Variants in MAD1L1 observed in about 807,000 individuals in gnomAD.
MAD1L1 encodes the protein mitotic spindle assembly checkpoint protein MAD1.
Under a neutral mutation model 96.9 loss-of-function variants are expected in MAD1L1, and 95 were observed. The observed-to-expected ratio is 0.98, with a 90% CI of 0.83 to 1.16. The LOEUF is 1.16. Among genes scored for constraint, MAD1L1 ranks in the 50% most tolerant of loss-of-function variants. The probability of loss-of-function intolerance (pLI) is 0.00; values close to 1 mark genes in which losing one functional copy is unlikely to be tolerated. For missense variants in MAD1L1, 1,007 were observed against 954.4 expected (o/e 1.06, Z -0.73); for synonymous variants, 473 against 396.6 (o/e 1.19, Z -2.29).
At chr7:2,047,937 C>T (rs1374374772) in intron 12 of MAD1L1, among the ~76,000 whole-genome samples, 1 of 152,212 alleles carries the variant, frequency 6.6e-6, no homozygotes, top group Non-Finnish European at 1.5e-5. Flanking sequence ...GATGTGCATG[C>T]ACAGCTCACA....
intron 18 of MAD1L1, among the ~76,000 whole-genome samples, chr7:1,897,857 A>G (rs972340156): frequency 3.9e-5 from 6 of 152,142 alleles, no homozygotes; most frequent in Non-Finnish European, 7.4e-5. Context: ...AGTCCTCCCC[A>G]GGCACCACTG....
At chr7:1,932,624 A>G (rs1789546661) in intron 17 of MAD1L1, among the ~76,000 whole-genome samples, 1 of 152,218 alleles carries the variant, frequency 6.6e-6, no homozygotes, top group Non-Finnish European at 1.5e-5. Context: ...TCTTCTCTGA[A>G]GTTCTCAGGG....
At chr7:1,936,972 A>G in intron 16 of MAD1L1, 75 bp from the exon 17 acceptor site, 1 of 1,215,700 alleles carries the variant, frequency 8.2e-7, no homozygotes, top group Non-Finnish European at 1.2e-6. Context: ...AGCATGGGTC[A>G]CCATGGCCCA....
intron 11 of MAD1L1, among the ~76,000 whole-genome samples, chr7:2,084,195 G>T (rs189197301): frequency 5.9e-4 from 90 of 152,368 alleles, no homozygotes; most frequent in African/African-American, 1.9e-3. Flanking sequence ...GAAACACAAT[G>T]GAAGTTTCTG....
chr7:1,869,831 G>A (rs976740374), intron 18 of MAD1L1, among the ~76,000 whole-genome samples: 2 of 152,198 alleles, frequency 1.3e-5, no homozygotes, highest in African/African-American at 2.4e-5. Context: ...CTGGGCTCCC[G>A]CAAGTGCCTC....
rs367782915 is a variant in MAD1L1, at chr7:2,221,055, C to A, written c.471+1520G>T. 7 of 1,603,250 alleles carry A rather than the reference C, an allele frequency of 4.4e-6. No homozygotes were observed. The South Asian group carries it at 4.4e-5, about 10-fold the overall frequency. The stretch of plus-strand genomic sequence containing the variant: ...AGGAGAAGGCAGTCAAGGCCTAGTG[C>A]GCAGGGAGGGCTTCCCTGAGGAGCG... On this transcript the variant is annotated intron_variant, in intron 5 of 18. Transcript: ENST00000265854.
At chr7:2,139,109 C>T (rs1788898159) in intron 11 of MAD1L1, among the ~76,000 whole-genome samples, 1 of 152,104 alleles carries the variant, frequency 6.6e-6, no homozygotes, top group Non-Finnish European at 1.5e-5. Context: ...GCTGCCTCAG[C>T]CTCACCCTCC....
rs542829597 is a variant in MAD1L1 at position 1,897,143 on chromosome 7, A to G, written c.1998+1057T>C. 6.3e-5 allele frequency among the ~76,000 whole-genome samples: 6 copies of G among 95,522 alleles called. No individual in the cohort carries two copies. In the East Asian group the frequency reaches 6.8e-4, roughly 11 times the overall value. 62.7% of individuals were successfully genotyped at this position (95,522 alleles called of 152,430 possible). A position where few individuals can be genotyped will look rare whatever the true frequency, so the allele number is the denominator to read the frequency against. On this transcript the variant is annotated intron_variant, in intron 18 of 18. Transcript: ENST00000265854. ...CTGTGAAGACGGGCGGGTTGTGCAGAAGGAGGAGGAAGAGCCGGGCTAAGG... is the reference window on the plus strand; with the variant it reads ...CTGTGAAGACGGGCGGGTTGTGCAGGAGGAGGAGGAAGAGCCGGGCTAAGG...
intron 10 of MAD1L1, among the ~76,000 whole-genome samples, chr7:2,162,633 G>C (rs1584460565): frequency 8.2e-6 from 1 of 122,536 alleles, no homozygotes; most frequent in Non-Finnish European, 1.7e-5. Context: ...AGGGGTAAAT[G>C]ATATCTTAAA....
In MAD1L1 at chr7:2,111,657, G is replaced by C. The variant is rs551911649; in HGVS notation, c.1073+37495C>G. Reference sequence around the variant, plus strand: ...GGCTGCAGAAAGCACCACAGCAACTGTCTGACGCCAGGTTGGGGCCAGCAG... The same window carrying C: ...GGCTGCAGAAAGCACCACAGCAACTCTCTGACGCCAGGTTGGGGCCAGCAG... On this transcript the variant is annotated intron_variant, in intron 11 of 18. Transcript: ENST00000265854. 2.0e-5 allele frequency among the ~76,000 whole-genome samples: 3 copies of C among 152,358 alleles called. No individual in the cohort carries two copies. The East Asian group carries it at 5.8e-4, about 29-fold the overall frequency.
At chr7:2,084,867 C>G (rs978406939) in intron 11 of MAD1L1, among the ~76,000 whole-genome samples, 1 of 152,170 alleles carries the variant, frequency 6.6e-6, no homozygotes, top group African/African-American at 2.4e-5. Context: ...GAAGAGCCTG[C>G]GACTCTGTAG....
chr7:1,828,652 A>C (rs1345232719), intron 18 of MAD1L1, among the ~76,000 whole-genome samples: 1 of 152,176 alleles, frequency 6.6e-6, no homozygotes, highest in African/African-American at 2.4e-5. Flanking sequence ...GCTGTTTCCA[A>C]GTACCTGAAC....
intron 10 of MAD1L1, among the ~76,000 whole-genome samples, chr7:2,183,350 T>C (rs1421143018): frequency 6.6e-6 from 1 of 152,110 alleles, no homozygotes; most frequent in Non-Finnish European, 1.5e-5. Context: ...AAAACTTGTA[T>C]CCAGAATAAA....
At chr7:2,081,445 AC>A (rs1157297039) in intron 11 of MAD1L1, among the ~76,000 whole-genome samples, 2 of 152,076 alleles carry the variant, frequency 1.3e-5, no homozygotes, top group African/African-American at 4.8e-5. Flanking sequence ...GACCCGGGAA[AC>A]CTCAGGACAC....
chr7:1,926,845 TCTC>T (rs1304652008), intron 17 of MAD1L1, among the ~76,000 whole-genome samples: 1 of 152,122 alleles, frequency 6.6e-6, no homozygotes, highest in Non-Finnish European at 1.5e-5. Context: ...TGTTGCCCCA[TCTC>T]CTACTCAGCA....
intron 14 of MAD1L1, among the ~76,000 whole-genome samples, chr7:1,989,988 C>T (rs1170383455): frequency 2.0e-5 from 3 of 152,238 alleles, no homozygotes; most frequent in Non-Finnish European, 4.4e-5. Flanking sequence ...AGGGTGTGCT[C>T]CCAGGGGCCT....
chr7:1,873,493 A>G (rs1583620217), intron 18 of MAD1L1, among the ~76,000 whole-genome samples: 1 of 151,686 alleles, frequency 6.6e-6, no homozygotes, highest in South Asian at 2.1e-4. Context: ...TAGTAGGAGC[A>G]CGGCACGGCC....
At chr7:2,215,304 G>T (rs1240163756) in intron 9 of MAD1L1, among the ~76,000 whole-genome samples, 2 of 151,530 alleles carry the variant, frequency 1.3e-5, no homozygotes, top group East Asian at 3.9e-4. Flanking sequence ...CTTGTACCCG[G>T]GAGGCGGAGG....
chr7:2,185,973 C>T (rs1053218633), intron 10 of MAD1L1, among the ~76,000 whole-genome samples: 3 of 152,188 alleles, frequency 2.0e-5, no homozygotes, highest in Non-Finnish European at 4.4e-5. Context: ...GATGAGCCTG[C>T]AGGCAGGAAG....
Sources: gnomAD v4.1 joint callset for allele counts (sites outside exome capture counted in the v4.1 genomes callset) on GRCh38, gnomAD v4.1.1 for gene constraint, MANE v1.5 for transcripts, NCBI Gene and HGNC (gene_info 2026-07-23, HGNC 2026-07-21) for gene names.